The following TTN variants were observed in gnomAD, a reference collection of about 807,000 sequenced individuals.
TTN encodes the protein titin.
Under a neutral mutation model 3,223.0 loss-of-function variants are expected in TTN, and 1,525 were observed. The observed-to-expected ratio is 0.47, with a 90% CI of 0.45 to 0.49. TTN has a LOEUF of 0.49. TTN is among the 20% of genes least tolerant of loss of function. The pLI is 0.00. For missense variants in TTN, 40,786 were observed against 43,424.0 expected, an observed-to-expected ratio of 0.94 and a Z score of 5.40; for synonymous variants, 14,094 against 15,161.0, an observed-to-expected ratio of 0.93 and a Z score of 5.17.
chr2:178,730,738 T>G lies in TTN; in HGVS notation c.17795A>C (p.Lys5932Thr), dbSNP rs879062650. The change falls in exon 61 of 363, where the codon AAA (lysine) becomes ACA (threonine). Residue 5932 changes from lysine (K) to threonine (T), a missense_variant. Transcript: ENST00000589042. ...TKKLKKMDSIKGSFIDLECIV... is the reference protein window; with the variant it reads ...TKKLKKMDSITGSFIDLECIV... ...ACATTCTAAATCAATGAAAGAACCT[T>G]TAATGCTGTCCATTTTCTTCAGCTT... 1 of 1,611,240 alleles carries G rather than the reference T, an allele frequency of 6.2e-7. No homozygotes were observed. Among genetic ancestry groups the G allele is most frequent in the Non-Finnish European group, 8.5e-7 (1 of 1,177,878 alleles).
At position 178,756,371 on chromosome 2, in the gene TTN, T is replaced by C. The variant is rs2086938615; in HGVS notation, c.11105A>G (p.Glu3702Gly). ...TTGTGATTGTTTCAGTCTCTCGGAT[T>C]CCTCTATCTTTGCACCTTCGTGAGT... ...TWTHEGAKIE[E>G]SERLKQSQNG... Residue 3702 changes from glutamate to glycine, a missense_variant, in exon 46 of 363, where the codon GAA (glutamate) becomes GGA (glycine). Physicochemically the swap from Glu to Gly is moderately conservative, Grantham distance 98 (BLOSUM62 -2). Transcript: ENST00000589042. The C allele has an allele frequency of 6.2e-7, 1 of 1,613,870 alleles. No homozygotes were observed.
Position 178,675,929 on chromosome 2 carries a change from G to A in TTN, c.34445C>T (p.Pro11482Leu). Reference sequence around the variant, plus strand: ...CTTCGGAATAGCAATACCTTTGGCAGGGGGAGCCTCCTCTTTCTTGGGAAT... The same window carrying A: ...CTTCGGAATAGCAATACCTTTGGCAAGGGGAGCCTCCTCTTTCTTGGGAAT... ...VVIPKKEEAP[P>L]AKVSVVPKKP... is the part of the protein sequence containing the mutation. Residue 11482 changes from proline to leucine, a missense_variant, in exon 148 of 363, where the codon CCT (proline) becomes CTT (leucine). By Grantham distance (98) the Pro-to-Leu change is moderately conservative. Coordinates refer to ENST00000589042, the MANE Select transcript of TTN (RefSeq NM_001267550.2). 1.2e-6 allele frequency: 2 copies of A among 1,607,464 alleles called. No homozygotes were observed. The highest frequency in any genetic ancestry group is 8.5e-7 in the Non-Finnish European group (1 of 1,176,436).
At chr2:178,688,866 A>G (rs1370654694) in intron 125 of TTN, 88 bp from the exon 126 acceptor site, 2 of 1,171,388 alleles carry the variant, frequency 1.7e-6, no homozygotes, top group Non-Finnish European at 2.5e-6. Context: ...TGCACAGTAC[A>G]CCACTTTGAC....
rs1276745153 is a variant in TTN at position 178,591,450 on chromosome 2, G to A, written c.60275C>T (p.Ala20092Val). ...VKLIEGLVVK[A>V]GTTVRFPAII... ...AGCAGGGAATCTGACTGTGGTTCCA[G>A]CCTTTACCACAAGACCTTCAATTAA... Residue 20092 changes from alanine to valine, a missense_variant, in exon 304 of 363, where the codon GCT becomes GTT. Physicochemically the swap from Ala to Val is moderately conservative, Grantham distance 64 (BLOSUM62 0). Coordinates refer to ENST00000589042, the MANE Select transcript of TTN (RefSeq NM_001267550.2). 2 of 1,598,340 alleles carry A rather than the reference G, an allele frequency of 1.3e-6. No individual in the cohort carries two copies. The highest frequency in any genetic ancestry group is 1.7e-6 in the Non-Finnish European group (2 of 1,173,906).
chr2:178,608,149 C>T (rs1195200159), intron 275 of TTN, 29 bp downstream of exon 275: 3 of 1,600,886 alleles, frequency 1.9e-6, no homozygotes, highest in East Asian at 4.5e-5. Context: ...GCTTGTTCTA[C>T]TCCACCTTCT....
chr2:178,769,341 C>A lies in TTN; in HGVS notation c.8902+338G>T, dbSNP rs117552354. 2.2e-3 allele frequency among the ~76,000 whole-genome samples: 329 copies of A among 152,058 alleles called. 8 individuals are homozygous for A. The East Asian group carries it at 0.056, about 26-fold the overall frequency. On this transcript the variant is annotated intron_variant, in intron 37 of 362. Transcript: ENST00000589042. ...TGATTGTGGCTCACTGCAGCCTTGG[C>A]CTTCTGGGCCCAAGCGATCTTCCCA...
chr2:178,618,847 G>T lies in TTN; in HGVS notation c.46703C>A (p.Pro15568Gln). ...GTCTTGGTCAGCTGTCTTGATTTTTGGTGCAGCTAGTGAGAAAGATAACAT... is the reference window on the plus strand; with the variant it reads ...GTCTTGGTCAGCTGTCTTGATTTTTTGTGCAGCTAGTGAGAAAGATAACAT... ...ARAKLELAAAPKIKTADQDLV... is the reference protein window; with the variant it reads ...ARAKLELAAAQKIKTADQDLV... Residue 15568 changes from proline to glutamine, a missense_variant, in exon 251 of 363, where the codon CCA becomes CAA. Physicochemically the swap from Pro to Gln is moderately conservative, Grantham distance 76. Coordinates refer to ENST00000589042, the MANE Select transcript of TTN (RefSeq NM_001267550.2). 6.2e-7 allele frequency: 1 copy of T among 1,608,738 alleles called. No individual in the cohort carries two copies. Among genetic ancestry groups the T allele is most frequent in the Non-Finnish European group, 8.5e-7 (1 of 1,178,232 alleles).
intron 148 of TTN, 48 bp from the exon 149 acceptor site, chr2:178,675,802 AG>A (rs2067954824): frequency 6.6e-7 from 1 of 1,519,824 alleles, no homozygotes; most frequent in Non-Finnish European, 8.9e-7. Context: ...ACACACACAA[AG>A]ACAAGTAGAC....
In TTN at chr2:178,568,321, T is replaced by C. The variant is rs1706741321; in HGVS notation, c.77811A>G (p.Val25937=). 6.2e-7 allele frequency: 1 copy of C among 1,613,338 alleles called. No individual in the cohort carries two copies. The highest frequency in any genetic ancestry group is 8.5e-7 in the Non-Finnish European group (1 of 1,179,628). The change falls in exon 326 of 363, where the codon GTA becomes GTG. Residue 25937 remains valine, a synonymous_variant. Transcript: ENST00000589042. ...IVQKRDTTTT[V]WDVVSATVAR... ...CAACAGTAGCAGAAACAACATCCCATACTGTGGTGGTTGTATCTCTTTTCT... is the reference window on the plus strand; with the variant it reads ...CAACAGTAGCAGAAACAACATCCCACACTGTGGTGGTTGTATCTCTTTTCT...
Position 178,651,415 on chromosome 2 carries a change from C to T in TTN, c.39547+38G>A, listed in dbSNP as rs974235328. On this transcript the variant is annotated intron_variant, in intron 207 of 362. Transcript: ENST00000589042. Reference sequence around the variant, plus strand: ...AAAACCCTTTTAGAAGCTGGGGGCTCCATCCGCCCCCATCAAACAGTGGAC... The same window carrying T: ...AAAACCCTTTTAGAAGCTGGGGGCTTCATCCGCCCCCATCAAACAGTGGAC... 8 of 1,594,558 alleles carry T rather than the reference C, an allele frequency of 5.0e-6. No homozygotes were observed. The African/African-American group carries it at 9.5e-5, about 19-fold the overall frequency.
In TTN at chr2:178,799,741, A is replaced by G. The variant is rs1384575222; in HGVS notation, c.670-10T>C. ...AGTGGGCTTCAATCTTCTGTAAAAG[A>G]TTAAAACAAAGCCCACGTTGAGGAG... On this transcript the variant is annotated splice_polypyrimidine_tract_variant and intron_variant, in intron 5 of 362. Transcript: ENST00000589042. The G allele has an allele frequency of 6.2e-7, 1 of 1,614,110 alleles. No individual in the cohort carries two copies. Among genetic ancestry groups the G allele is most frequent in the Non-Finnish European group, 8.5e-7 (1 of 1,180,038 alleles).
chr2:178,715,225 G>C lies in TTN; in HGVS notation c.25961C>G (p.Thr8654Arg). Residue 8654 changes from threonine (T) to arginine (R), a missense_variant, in exon 90 of 363, where the codon ACA (threonine) becomes AGA (arginine). Transcript: ENST00000589042. ...IFRKKPHPIE[T>R]LKGADVHLEC... ...AAGGTGAACATCAGCTCCTTTCAGT[G>C]TCTCTATAGGATGAGGCTTTTTGCG... is the stretch of plus-strand genomic sequence containing the variant. The C allele has an allele frequency of 6.2e-7, 1 of 1,613,294 alleles. No individual in the cohort carries two copies. Among genetic ancestry groups the C allele is most frequent in the Non-Finnish European group, 8.5e-7 (1 of 1,179,574 alleles).
At chr2:178,699,560 C>T (rs1180961528) in intron 111 of TTN, among the ~76,000 whole-genome samples, 11 of 144,694 alleles carry the variant, frequency 7.6e-5, no homozygotes, top group Non-Finnish European at 1.4e-4. Context: ...TACAGGCGCC[C>T]GCCACCGCGC....
intron 361 of TTN, 80 bp downstream of exon 361, chr2:178,528,194 T>G: frequency 2.1e-6 from 3 of 1,452,138 alleles, no homozygotes; most frequent in East Asian, 2.3e-5. Flanking sequence ...CTTCTTAGAG[T>G]TTTCTGTGCT....
chr2:178,558,720 A>G (rs1702434944), intron 326 of TTN, 83 bp from the exon 327 acceptor site: 1 of 1,410,854 alleles, frequency 7.1e-7, no homozygotes, highest in Non-Finnish European at 9.5e-7. Context: ...GTCAAAAGAA[A>G]ACTTTTAAAT....
Position 178,535,019 on chromosome 2 carries a change from T to C in TTN, c.101596A>G (p.Ile33866Val). The C allele has an allele frequency of 6.2e-7, 1 of 1,613,880 alleles. No homozygotes were observed. Among genetic ancestry groups the C allele is most frequent in the Non-Finnish European group, 8.5e-7 (1 of 1,179,840 alleles). Residue 33866 changes from isoleucine to valine, a missense_variant, in exon 358 of 363, where the codon ATT becomes GTT. Coordinates refer to ENST00000589042, the MANE Select transcript of TTN (RefSeq NM_001267550.2). ...DQVLVKKEIS[I>V]LNIARHRNIL... ...TTTCTATGCCTAGCAATATTCAGAA[T>C]GGAAATTTCCTTCTTTACCAAAACC... is the stretch of plus-strand genomic sequence containing the variant.
In TTN at chr2:178,607,454, G is replaced by A. The variant is rs879245504; in HGVS notation, c.53234C>T (p.Thr17745Ile). ...LRKDHGRYVI[T>I]ATNSCGSKFA... is the part of the protein sequence containing the mutation. ...TTTGGAACCACAGCTATTTGTAGCTGTAATCACATATCTGCCATGGTCTTT... is the reference window on the plus strand; with the variant it reads ...TTTGGAACCACAGCTATTTGTAGCTATAATCACATATCTGCCATGGTCTTT... Residue 17745 changes from threonine to isoleucine, a missense_variant, in exon 277 of 363, where the codon ACA (threonine) becomes ATA (isoleucine). By Grantham distance (89) the Thr-to-Ile change is moderately conservative. Coordinates refer to ENST00000589042, the MANE Select transcript of TTN (RefSeq NM_001267550.2). The A allele has an allele frequency of 1.2e-6, 2 of 1,613,184 alleles. No homozygotes were observed. The highest frequency in any genetic ancestry group is 2.2e-5 in the East Asian group (1 of 44,762).
chr2:178,592,438 G>T lies in TTN; in HGVS notation c.59567C>A (p.Ser19856Tyr), dbSNP rs1356252369. ...NAAHEDGGIY[S>Y]LTVENPAGSK... is the part of the protein sequence containing the mutation. ...ACCAGCTGGATTCTCCACTGTTAAA[G>T]AATAAATTCCACCATCTTCATGGGC... The change falls in exon 301 of 363, where the codon TCT becomes TAT. Residue 19856 changes from serine (S) to tyrosine (Y), a missense_variant. Physicochemically the swap from Ser to Tyr is moderately radical, Grantham distance 144. Coordinates refer to ENST00000589042, the MANE Select transcript of TTN (RefSeq NM_001267550.2). 6.2e-7 allele frequency: 1 copy of T among 1,613,460 alleles called. No individual in the cohort carries two copies. Among genetic ancestry groups the T allele is most frequent in the Non-Finnish European group, 8.5e-7 (1 of 1,179,586 alleles).
At position 178,611,572 on chromosome 2, in the gene TTN, C is replaced by G. The variant is rs1472760570; in HGVS notation, c.50657G>C (p.Gly16886Ala). 2 of 1,613,038 alleles carry G rather than the reference C, an allele frequency of 1.2e-6. No homozygotes were observed. Among genetic ancestry groups the G allele is most frequent in the South Asian group, 2.2e-5 (2 of 91,066 alleles). The change falls in exon 269 of 363, where the codon GGA (glycine) becomes GCA (alanine). Residue 16886 changes from glycine to alanine, a missense_variant. Physicochemically the swap from Gly to Ala is moderately conservative, Grantham distance 60. Coordinates refer to ENST00000589042, the MANE Select transcript of TTN (RefSeq NM_001267550.2). ...TACTGGACACATTTCAACATGGTAT[C>G]CTATGATAGGACTTCCACCATTTTT... ...PEKNGGSPIIGYHVEMCPVGT... is the reference protein window; with the variant it reads ...PEKNGGSPIIAYHVEMCPVGT...
Sources: gnomAD v4.1 joint callset for allele counts (sites outside exome capture counted in the v4.1 genomes callset) on GRCh38, gnomAD v4.1.1 for gene constraint, MANE v1.5 for transcripts, NCBI Gene and HGNC (gene_info 2026-07-23, HGNC 2026-07-21) for gene names.